The following TAPBPL variants were observed in gnomAD, a reference collection of about 807,000 sequenced individuals.
The protein encoded by TAPBPL is TAP binding protein like.
TAPBPL carries 32 observed loss-of-function variants against 44.8 expected under a neutral mutation model. The ratio of observed to expected loss-of-function variants is 0.71; its 90% CI spans 0.54 to 0.96. TAPBPL has a LOEUF of 0.96. TAPBPL is among the 40% of genes least tolerant of loss of function. The probability of loss-of-function intolerance (pLI) is 0.00; values close to 1 mark genes in which losing one functional copy is unlikely to be tolerated. For synonymous variants in TAPBPL, 230 were observed against 240.7 expected, an observed-to-expected ratio of 0.96 and a Z score of 0.41; for missense variants, 520 against 586.6, an observed-to-expected ratio of 0.89 and a Z score of 1.17.
Position 6,452,197 on chromosome 12 carries a change from T to C in TAPBPL, c.-52T>C. On this transcript the variant is annotated 5_prime_UTR_variant, in exon 1 of 7. Coordinates refer to ENST00000266556, the MANE Select transcript of TAPBPL (RefSeq NM_018009.5). ...CTTCCGCCGGGCCTCGCAAGCAGCG[T>C]AGGACTGTGGAGAAGGGCGGTGGGC... is the stretch of plus-strand genomic sequence containing the variant. The C allele has an allele frequency of 1.3e-6, 2 of 1,551,330 alleles. No individual in the cohort carries two copies. The highest frequency in any genetic ancestry group is 2.1e-4 in the Middle Eastern group (1 of 4,690).
intron 5 of TAPBPL, among the ~76,000 whole-genome samples, chr12:6,459,977 C>T (rs1043576237): frequency 9.9e-5 from 15 of 151,866 alleles, no homozygotes; most frequent in Non-Finnish European, 4.4e-5. Context: ...GCCATGATGG[C>T]CAGGCTGGTC....
intron 3 of TAPBPL, among the ~76,000 whole-genome samples, chr12:6,455,800 T>C (rs1393520004): frequency 6.7e-6 from 1 of 148,510 alleles, no homozygotes; most frequent in African/African-American, 2.5e-5. Flanking sequence ...TCATTCTGTC[T>C]CCCAGGCTGG....
At chr12:6,458,302 G>A (rs571142496) in intron 4 of TAPBPL, among the ~76,000 whole-genome samples, 11 of 152,108 alleles carry the variant, frequency 7.2e-5, no homozygotes, top group Admixed American at 3.3e-4. Flanking sequence ...CTTGAACCCC[G>A]GAGGTGGAGG....
chr12:6,461,320 G>C, intron 6 of TAPBPL: 1 of 1,052,876 alleles, frequency 9.5e-7, no homozygotes, highest in Non-Finnish European at 1.2e-6. Context: ...CACCAAGGCA[G>C]AGAACAGGAA....
At position 6,462,047 on chromosome 12, in the gene TAPBPL, T is replaced by C; in HGVS notation, c.1305T>C (p.Leu435=). ...TCCTCTTACCAGCACCTACAGGACT[T>C]GGGCTGCTTCAGGCTGAACGCTGGG... ...GLQRRQAPTG[L]GLLQAERWET... The change falls in exon 7 of 7, where the codon CTT becomes CTC. Residue 435 remains leucine, a synonymous_variant. Transcript: ENST00000266556. The C allele has an allele frequency of 6.2e-7, 1 of 1,613,402 alleles. No individual in the cohort carries two copies. Among genetic ancestry groups the C allele is most frequent in the Non-Finnish European group, 8.5e-7 (1 of 1,179,400 alleles).
Position 6,453,503 on chromosome 12 carries a change from AAGG to A in TAPBPL, c.356_358del (p.Glu119del), listed in dbSNP as rs1402775799. On this transcript the variant is annotated inframe_deletion, in exon 3 of 7. Coordinates refer to ENST00000266556, the MANE Select transcript of TAPBPL (RefSeq NM_018009.5). This position sits in a 1 kb window ranked among gnomAD's most constrained non-coding sequence, Gnocchi z 4.8. ...CTTGCTCCATGCTGACTGCAGTGGG[AAGG>A]AGGTGACCTGTGAGATCTCCCGCTA... is the stretch of plus-strand genomic sequence containing the variant. 2 of 1,614,006 alleles carry A rather than the reference AAGG, an allele frequency of 1.2e-6. No individual in the cohort carries two copies. The highest frequency in any genetic ancestry group is 2.2e-5 in the East Asian group (1 of 44,882).
downstream of TAPBPL, chr12:6,471,116 T>TGGCCCTCGCTCC (rs1240144538): frequency 1.3e-5 from 2 of 154,586 alleles, no homozygotes; most frequent in Admixed American, 6.4e-5. This position sits in a 1 kb window ranked among gnomAD's most constrained non-coding sequence, Gnocchi z 4.0. Flanking sequence ...TGCCCTGCTC[T>TGGCCCTCGCTCC]GGCCCTCGCT....
downstream of TAPBPL, among the ~76,000 whole-genome samples, chr12:6,471,279 C>A (rs920229531): frequency 6.6e-6 from 1 of 152,162 alleles, no homozygotes; most frequent in African/African-American, 2.4e-5. The surrounding 1 kb of genome is among the most constrained non-coding windows in gnomAD (Gnocchi z 4.0). Context: ...TTCAACATAG[C>A]CTTCCTAAAT....
intron 3 of TAPBPL, among the ~76,000 whole-genome samples, chr12:6,456,213 G>A (rs577500140): frequency 1.1e-4 from 17 of 152,048 alleles, no homozygotes; most frequent in African/African-American, 4.1e-4. Flanking sequence ...TTTTAATCTA[G>A]AACATGTTTC....
chr12:6,466,570 T>G, downstream of TAPBPL: 1 of 436,018 alleles, frequency 2.3e-6, no homozygotes, highest in Non-Finnish European at 4.1e-6. Context: ...CCAAACCACT[T>G]AAACAATTAT....
rs1241530666 is a variant in TAPBPL, at chr12:6,453,190, T to C, written c.188T>C (p.Val63Ala). The stretch of plus-strand genomic sequence containing the variant: ...GAGGACAGGGCAAGGGCCTCCCTTG[T>C]GCTGAAGCAGGTGCCAGTGCTGGAC... ...SSEDRARASLVLKQVPVLDDG... is the reference protein window; with the variant it reads ...SSEDRARASLALKQVPVLDDG... The change falls in exon 2 of 7, where the codon GTG becomes GCG. Residue 63 changes from valine to alanine, a missense_variant. By Grantham distance (64) the Val-to-Ala change is moderately conservative. Coordinates refer to ENST00000266556, the MANE Select transcript of TAPBPL (RefSeq NM_018009.5). This position sits in a 1 kb window ranked among gnomAD's most constrained non-coding sequence, Gnocchi z 4.8. 1.9e-6 allele frequency: 3 copies of C among 1,612,688 alleles called. No individual in the cohort carries two copies. The highest frequency in any genetic ancestry group is 3.3e-5 in the Admixed American group (2 of 59,826).
intron 1 of TAPBPL, 183 bp downstream of exon 1, chr12:6,452,495 G>C (rs990819405): frequency 2.1e-6 from 3 of 1,434,792 alleles, no homozygotes; most frequent in Non-Finnish European, 2.7e-6. Flanking sequence ...TGGAGGGAGG[G>C]TGGGGACTCC....
chr12:6,464,979 C>G (rs889766290), downstream of TAPBPL: 27 of 1,611,616 alleles, frequency 1.7e-5, no homozygotes, highest in East Asian at 4.5e-5. Context: ...CCTTGGATTT[C>G]AGGAATGAGG....
chr12:6,456,908 C>T (rs1238234178), intron 3 of TAPBPL, among the ~76,000 whole-genome samples: 2 of 152,206 alleles, frequency 1.3e-5, no homozygotes, highest in African/African-American at 4.8e-5. Flanking sequence ...CCACCTCGGC[C>T]CCCCAAAGTG....
At chr12:6,451,995 T>G, upstream of TAPBPL, 2 of 539,450 alleles carry the variant, frequency 3.7e-6, no homozygotes, top group East Asian at 3.4e-5. Flanking sequence ...CCGGGTGAGG[T>G]GGGTGGTGAG....
the TAPBPL span, among the ~76,000 whole-genome samples, chr12:6,471,597 TCAGG>T: frequency 1.4e-4 from 21 of 151,828 alleles, no homozygotes; most frequent in Non-Finnish European, 2.9e-5. The surrounding 1 kb of genome is among the most constrained non-coding windows in gnomAD (Gnocchi z 4.0). Context: ...GGAGGCCGAG[TCAGG>T]CAGATTACCT....
downstream of TAPBPL, among the ~76,000 whole-genome samples, chr12:6,468,597 GAC>G (rs371078063): frequency 2.0e-3 from 304 of 152,326 alleles, 1 homozygote; most frequent in African/African-American, 7.0e-3. Flanking sequence ...TTCTGGATTT[GAC>G]AGTCTCAGAT....
chr12:6,465,237 G>A, downstream of TAPBPL: 1 of 460,128 alleles, frequency 2.2e-6, no homozygotes. Flanking sequence ...TACAGACTCT[G>A]GATATTTAAC....
intron 3 of TAPBPL, among the ~76,000 whole-genome samples, chr12:6,454,841 G>A (rs943352700): frequency 2.0e-5 from 3 of 152,180 alleles, no homozygotes; most frequent in Admixed American, 2.0e-4. Context: ...GTTCCCCAGA[G>A]CCCATTAATC....
Sources: gnomAD v4.1 joint callset for allele counts (sites outside exome capture counted in the v4.1 genomes callset) on GRCh38, gnomAD v4.1.1 for gene constraint, Gnocchi (gnomAD v3.1) non-coding constraint, MANE v1.5 for transcripts, NCBI Gene and HGNC (gene_info 2026-07-23, HGNC 2026-07-21) for gene names.